GABRB2: variants seen among roughly 807,000 people sequenced by gnomAD.
GABRB2 encodes gamma-aminobutyric acid type A receptor subunit beta2.
In GABRB2, 16 loss-of-function variants were observed where a neutral mutation model predicts 54.7. That is an observed-to-expected ratio of 0.29 (90% CI 0.20 to 0.44). GABRB2 has a LOEUF of 0.44. Among genes scored for constraint, GABRB2 ranks in the 20% least tolerant of loss-of-function variants. The probability of loss-of-function intolerance (pLI) is 1.00; values close to 1 mark genes in which losing one functional copy is unlikely to be tolerated. For missense variants in GABRB2, 355 were observed against 644.0 expected (o/e 0.55, Z 4.86); for synonymous variants, 244 against 233.8 (o/e 1.04, Z -0.40).
intron 5 of GABRB2, among the ~76,000 whole-genome samples, chr5:161,407,528 C>T (rs746107268): frequency 6.6e-6 from 1 of 152,036 alleles, no homozygotes; most frequent in Non-Finnish European, 1.5e-5. Context: ...TATTTCTGTA[C>T]TAGAACTCAT....
At chr5:161,404,381 C>G (rs925718662) in intron 5 of GABRB2, among the ~76,000 whole-genome samples, 2 of 151,860 alleles carry the variant, frequency 1.3e-5, no homozygotes, top group African/African-American at 4.8e-5. Context: ...ATAACTAAGC[C>G]TCACTGTAGT....
At position 161,290,861 on chromosome 5, in the gene GABRB2, G is replaced by C. The variant is rs1428363472; in HGVS notation, c.*3220C>G. On this transcript the variant is annotated 3_prime_UTR_variant, in exon 10 of 10. Coordinates refer to ENST00000393959, the MANE Select transcript of GABRB2 (RefSeq NM_001371727.1). Reference sequence around the variant, plus strand: ...CCACTGCTCTTTCTTTATGTGTTGTGCTTTTGTAAGCTGACAGATTTTTTT... The same window carrying C: ...CCACTGCTCTTTCTTTATGTGTTGTCCTTTTGTAAGCTGACAGATTTTTTT... 6.6e-6 allele frequency: 1 copy of C among 152,486 alleles called. No homozygotes were observed. Among genetic ancestry groups the C allele is most frequent in the Non-Finnish European group, 1.5e-5 (1 of 67,984 alleles). The allele number at this position is 152,486 out of a possible 1,614,324, so 9.4% of individuals were successfully genotyped here. A position where few individuals can be genotyped will look rare whatever the true frequency, so the allele number is the denominator to read the frequency against.
chr5:161,305,049 G>A (rs528411794), intron 9 of GABRB2, among the ~76,000 whole-genome samples: 7 of 119,850 alleles, frequency 5.8e-5, no homozygotes, highest in South Asian at 5.1e-4. Flanking sequence ...TCGCTCTGTC[G>A]CCCAGGCCGG....
At chr5:161,477,347 T>C (rs868446740) in intron 3 of GABRB2, among the ~76,000 whole-genome samples, 2 of 150,264 alleles carry the variant, frequency 1.3e-5, no homozygotes, top group South Asian at 2.1e-4. Context: ...GGAACCCTTA[T>C]ACTGTTGGTA....
At chr5:161,372,620 CT>C (rs1486666593) in intron 5 of GABRB2, among the ~76,000 whole-genome samples, 1 of 152,066 alleles carries the variant, frequency 6.6e-6, no homozygotes, top group Non-Finnish European at 1.5e-5. Context: ...CTGTCTTCCC[CT>C]ATCAGTATTA....
chr5:161,448,746 G>A (rs760999671), intron 4 of GABRB2, among the ~76,000 whole-genome samples: 10 of 152,218 alleles, frequency 6.6e-5, no homozygotes, highest in South Asian at 2.1e-4. Context: ...GGACTTGGTC[G>A]TTCAGAAAAG....
At chr5:161,297,790 A>G (rs1273710014) in intron 9 of GABRB2, among the ~76,000 whole-genome samples, 1 of 152,158 alleles carries the variant, frequency 6.6e-6, no homozygotes, top group African/African-American at 2.4e-5. Flanking sequence ...TCTTTTGAGT[A>G]TATACTCGGT....
chr5:161,445,205 A>G (rs1757582830), intron 4 of GABRB2, among the ~76,000 whole-genome samples: 1 of 152,158 alleles, frequency 6.6e-6, no homozygotes, highest in African/African-American at 2.4e-5. Flanking sequence ...TTAAATAGTA[A>G]ACAAATACAT....
chr5:161,326,832 T>G (rs1758378355), intron 8 of GABRB2, among the ~76,000 whole-genome samples: 1 of 152,064 alleles, frequency 6.6e-6, no homozygotes. Context: ...GTTAGAAAAC[T>G]GTTGGCTGCA....
chr5:161,345,390 T>A (rs952893566), intron 5 of GABRB2, among the ~76,000 whole-genome samples: 4 of 152,050 alleles, frequency 2.6e-5, no homozygotes, highest in Admixed American at 1.3e-4. Flanking sequence ...ATTTCCCACT[T>A]CAATTCAACT....
In GABRB2 at chr5:161,319,404, A is replaced by G. The variant is rs140401601; in HGVS notation, c.1191+6964T>C. Among the ~76,000 whole-genome samples the G allele has an allele frequency of 1.2e-4, 17 of 147,638 alleles. No homozygotes were observed. In the East Asian group the frequency reaches 2.9e-3, roughly 25 times the overall value. On this transcript the variant is annotated intron_variant, in intron 9 of 9. Coordinates refer to ENST00000393959, the MANE Select transcript of GABRB2 (RefSeq NM_001371727.1). ...TATGGAAAGGCTATAATATAAAAAT[A>G]TATTATATATATTTTATATATTTAT...
chr5:161,456,964 A>G (rs1364561360), intron 4 of GABRB2, among the ~76,000 whole-genome samples: 1 of 152,232 alleles, frequency 6.6e-6, no homozygotes, highest in Non-Finnish European at 1.5e-5. Context: ...ATTAAATAGA[A>G]TAAAAGCTAA....
At chr5:161,383,957 G>T (rs1038155824) in intron 5 of GABRB2, among the ~76,000 whole-genome samples, 1 of 152,064 alleles carries the variant, frequency 6.6e-6, no homozygotes, top group South Asian at 2.1e-4. Context: ...GTGCGATCTC[G>T]GCTCATTGCA....
chr5:161,478,810 G>C (rs944533524), intron 3 of GABRB2, among the ~76,000 whole-genome samples: 1 of 151,970 alleles, frequency 6.6e-6, no homozygotes, highest in Non-Finnish European at 1.5e-5. Context: ...TCAATTCTAA[G>C]CAGTGAAAAA....
At chr5:161,411,340 T>C (rs1214573464) in intron 4 of GABRB2, among the ~76,000 whole-genome samples, 1 of 152,162 alleles carries the variant, frequency 6.6e-6, no homozygotes. Context: ...CCAGCATGTG[T>C]TGGGGAGAGG....
intron 6 of GABRB2, among the ~76,000 whole-genome samples, chr5:161,335,609 CA>C (rs1753969453): frequency 6.6e-6 from 1 of 152,110 alleles, no homozygotes; most frequent in Admixed American, 6.5e-5. Flanking sequence ...ATAGGAAGTT[CA>C]CATGATAAGT....
intron 3 of GABRB2, among the ~76,000 whole-genome samples, chr5:161,506,198 G>A (rs1345313678): frequency 1.3e-5 from 2 of 151,886 alleles, no homozygotes; most frequent in Non-Finnish European, 2.9e-5. Context: ...AACATACTAA[G>A]GAAAAGTTTT....
At chr5:161,329,173 A>G (rs1474270815) in intron 8 of GABRB2, among the ~76,000 whole-genome samples, 1 of 152,186 alleles carries the variant, frequency 6.6e-6, no homozygotes, top group Non-Finnish European at 1.5e-5. Context: ...ATGTTATCTT[A>G]TTAAGTCAGC....
intron 9 of GABRB2, among the ~76,000 whole-genome samples, chr5:161,308,265 T>A (rs1053583077): frequency 6.6e-6 from 1 of 152,188 alleles, no homozygotes; most frequent in African/African-American, 2.4e-5. Flanking sequence ...TGTTTAGGTG[T>A]AGGCCTGATT....
Sources: gnomAD v4.1 joint callset for allele counts (sites outside exome capture counted in the v4.1 genomes callset) on GRCh38, gnomAD v4.1.1 for gene constraint, MANE v1.5 for transcripts, NCBI Gene and HGNC (gene_info 2026-07-23, HGNC 2026-07-21) for gene names.